Variants in SH3RF3 observed in about 807,000 individuals in gnomAD.
SH3RF3 encodes E3 ubiquitin-protein ligase SH3RF3.
In SH3RF3, 29 loss-of-function variants were observed where a neutral mutation model predicts 66.3. The ratio of observed to expected loss-of-function variants is 0.44; its 90% CI spans 0.33 to 0.60. The LOEUF (loss-of-function observed/expected upper bound fraction) is 0.60. Among genes scored for constraint, SH3RF3 ranks in the 20% least tolerant of loss-of-function variants. The pLI, the probability that SH3RF3 is intolerant of heterozygous loss-of-function variation, is 0.04. For missense variants in SH3RF3, 1,194 were observed against 1,190.9 expected, an observed-to-expected ratio of 1.00 and a Z score of -0.04; for synonymous variants, 583 against 532.0, an observed-to-expected ratio of 1.10 and a Z score of -1.32.
intron 4 of SH3RF3, among the ~76,000 whole-genome samples, chr2:109,402,534 C>G (rs1180758255): frequency 6.6e-6 from 1 of 152,240 alleles, no homozygotes; most frequent in Non-Finnish European, 1.5e-5. Context: ...CAGCCCCAGG[C>G]TCCTCGGTGC....
chr2:109,501,267 T>A (rs1353562751), intron 9 of SH3RF3, among the ~76,000 whole-genome samples: 1 of 152,196 alleles, frequency 6.6e-6, no homozygotes, highest in African/African-American at 2.4e-5. Context: ...GTCCAGCTTC[T>A]TCGTAGATCA....
intron 3 of SH3RF3, among the ~76,000 whole-genome samples, chr2:109,394,310 G>A (rs938415279): frequency 2.0e-5 from 3 of 152,146 alleles, no homozygotes; most frequent in Non-Finnish European, 4.4e-5. Context: ...GGTGGTAAGC[G>A]GGGTCCCCTG....
rs115331613 is a variant in SH3RF3 at position 109,323,023 on chromosome 2, A to G, written c.574-24651A>G. On this transcript the variant is annotated intron_variant, in intron 1 of 9. Coordinates refer to ENST00000309415, the MANE Select transcript of SH3RF3 (RefSeq NM_001099289.3). ...CTGTGTTGCAGAGGGATTTTCTTATACCCCTAGGTGGTCTCGTTGAAATGT... is the reference window on the plus strand; with the variant it reads ...CTGTGTTGCAGAGGGATTTTCTTATGCCCCTAGGTGGTCTCGTTGAAATGT... Among the ~76,000 whole-genome samples the G allele has an allele frequency of 8.2e-3, 1,247 of 152,252 alleles. 26 individuals are homozygous for G. The highest frequency in any genetic ancestry group is 0.029 in the African/African-American group (1,197 of 41,536).
chr2:109,501,779 A>G lies in SH3RF3; in HGVS notation c.*108A>G, dbSNP rs1679394419. On this transcript the variant is annotated 3_prime_UTR_variant, in exon 10 of 10. Transcript: ENST00000309415. The stretch of plus-strand genomic sequence containing the variant: ...CCCCAAGGGTTCCAGGTCATCTCCA[A>G]GGCACCTGGCGGGGGATACCCTGGC... The G allele has an allele frequency of 1.6e-6, 1 of 636,358 alleles. No individual in the cohort carries two copies. Among genetic ancestry groups the G allele is most frequent in the African/African-American group, 1.8e-5 (1 of 55,342 alleles). 39.4% of individuals were successfully genotyped at this position (636,358 alleles called of 1,614,324 possible).
intron 1 of SH3RF3, among the ~76,000 whole-genome samples, chr2:109,244,305 G>T (rs1679859250): frequency 6.6e-6 from 1 of 152,190 alleles, no homozygotes; most frequent in Non-Finnish European, 1.5e-5. Context: ...AGGCAAATGT[G>T]CACATTTTGC....
chr2:109,403,922 G>A (rs115359910), intron 4 of SH3RF3, among the ~76,000 whole-genome samples: 2,085 of 152,306 alleles, frequency 0.014, 50 homozygotes, highest in African/African-American at 0.044. Context: ...GAGGGCGTGC[G>A]TGCGGGCTGC....
intron 1 of SH3RF3, among the ~76,000 whole-genome samples, chr2:109,201,477 ATCTC>A (rs1031513294): frequency 5.0e-4 from 75 of 151,038 alleles, no homozygotes; most frequent in African/African-American, 1.7e-3. Flanking sequence ...TCTCTCTCTT[ATCTC>A]TCTCTCCCCC....
intron 1 of SH3RF3, among the ~76,000 whole-genome samples, chr2:109,137,080 A>G (rs1558919672): frequency 6.6e-6 from 1 of 152,056 alleles, no homozygotes. Context: ...ATGAAATGTA[A>G]TTTTTTTTCC....
rs1328946379 is a variant in SH3RF3, at chr2:109,409,647, C to T, written c.1300-9892C>T. Among the ~76,000 whole-genome samples, 3 of 152,128 alleles carry T rather than the reference C, an allele frequency of 2.0e-5. No homozygotes were observed. The East Asian group carries it at 5.8e-4, about 29-fold the overall frequency. The stretch of plus-strand genomic sequence containing the variant: ...TGTGGGCAGAAGGCGTGGCTGCTGC[C>T]TCTCCCAGGACAGACTCCCTCACTG... On this transcript the variant is annotated intron_variant, in intron 4 of 9. Coordinates refer to ENST00000309415, the MANE Select transcript of SH3RF3 (RefSeq NM_001099289.3).
chr2:109,491,616 G>T (rs534830322), intron 9 of SH3RF3, among the ~76,000 whole-genome samples: 29 of 152,144 alleles, frequency 1.9e-4, no homozygotes, highest in Admixed American at 6.5e-5. Context: ...TTCACCTGGG[G>T]CTAGAGGCGT....
chr2:109,235,378 C>T (rs895499467), intron 1 of SH3RF3, among the ~76,000 whole-genome samples: 2 of 152,170 alleles, frequency 1.3e-5, no homozygotes, highest in African/African-American at 4.8e-5. Flanking sequence ...TTGAGAGACC[C>T]TAATCTTTTC....
intron 3 of SH3RF3, among the ~76,000 whole-genome samples, chr2:109,390,003 G>A (rs376695904): frequency 2.6e-5 from 4 of 152,228 alleles, no homozygotes; most frequent in East Asian, 3.9e-4. Flanking sequence ...AGGCAGAAGC[G>A]CCCTGGGAAA....
intron 2 of SH3RF3, among the ~76,000 whole-genome samples, chr2:109,356,427 C>T (rs1484810683): frequency 6.6e-6 from 1 of 152,206 alleles, no homozygotes; most frequent in Non-Finnish European, 1.5e-5. Flanking sequence ...GTCCACTGCT[C>T]ATTCACTAAT....
chr2:109,262,758 A>G (rs1680386100), intron 1 of SH3RF3, among the ~76,000 whole-genome samples: 2 of 152,216 alleles, frequency 1.3e-5, no homozygotes, highest in Non-Finnish European at 2.9e-5. Flanking sequence ...CCATTATTGG[A>G]AAATATATTA....
chr2:109,469,056 G>A (rs1478749175), intron 8 of SH3RF3, among the ~76,000 whole-genome samples: 2 of 151,806 alleles, frequency 1.3e-5, no homozygotes, highest in Non-Finnish European at 2.9e-5. Context: ...GCAGGGCCAG[G>A]CATGTAAGCT....
At chr2:109,335,159 G>T (rs1196128140) in intron 1 of SH3RF3, among the ~76,000 whole-genome samples, 1 of 152,230 alleles carries the variant, frequency 6.6e-6, no homozygotes, top group African/African-American at 2.4e-5. Context: ...GCAGCATCCT[G>T]GGGTGTTACC....
At chr2:109,137,757 C>A (rs986712703) in intron 1 of SH3RF3, among the ~76,000 whole-genome samples, 1 of 152,234 alleles carries the variant, frequency 6.6e-6, no homozygotes, top group South Asian at 2.1e-4. Context: ...CCGTCCTGAT[C>A]AGCCGTTGTT....
chr2:109,311,502 T>G (rs9678072), intron 1 of SH3RF3, among the ~76,000 whole-genome samples: 44,305 of 147,800 alleles, frequency 0.3, 7,849 homozygotes, highest in African/African-American at 0.53. Flanking sequence ...GGGCAATTAG[T>G]CAGGAGAAGG....
chr2:109,186,223 C>G (rs888846926), intron 1 of SH3RF3, among the ~76,000 whole-genome samples: 7 of 152,258 alleles, frequency 4.6e-5, no homozygotes, highest in African/African-American at 1.7e-4. Flanking sequence ...ACGAAGTGAA[C>G]TGGAGTGCTT....
Sources: gnomAD v4.1 joint callset for allele counts (sites outside exome capture counted in the v4.1 genomes callset) on GRCh38, gnomAD v4.1.1 for gene constraint, MANE v1.5 for transcripts, NCBI Gene and HGNC (gene_info 2026-07-23, HGNC 2026-07-21) for gene names.